Variants in RIMBP2 observed in about 807,000 individuals in gnomAD.
RIMBP2 encodes the protein RIMS binding protein 2.
A neutral mutation model predicts 118.6 loss-of-function variants in RIMBP2; 48 were observed. The observed-to-expected ratio is 0.40, with a 90% CI of 0.32 to 0.51. The LOEUF (loss-of-function observed/expected upper bound fraction) is 0.51. Ranked by LOEUF, RIMBP2 falls within the 20% of genes least tolerant of loss-of-function variation. The pLI is 0.41. For missense variants in RIMBP2, 1,551 were observed against 1,768.3 expected (o/e 0.88, Z 2.20); for synonymous variants, 762 against 742.9 (o/e 1.03, Z -0.42).
At chr12:130,711,749 C>A (rs1949930223) in intron 1 of RIMBP2, among the ~76,000 whole-genome samples, 1 of 152,236 alleles carries the variant, frequency 6.6e-6, no homozygotes, top group Admixed American at 6.5e-5. Flanking sequence ...GTGTGACTGG[C>A]TTGTTCAAAG....
intron 7 of RIMBP2, among the ~76,000 whole-genome samples, chr12:130,456,121 G>A (rs376661305): frequency 2.0e-3 from 304 of 152,342 alleles, no homozygotes; most frequent in African/African-American, 6.9e-3. Flanking sequence ...GGAGTACCCA[G>A]CCAAGAAATC....
chr12:130,456,780 T>C (rs2079484443), intron 6 of RIMBP2, 80 bp from the exon 7 acceptor site: 1 of 1,104,692 alleles, frequency 9.1e-7, no homozygotes, highest in Non-Finnish European at 1.3e-6. Flanking sequence ...ACATGTGTTG[T>C]ACGTGTGCAC....
chr12:130,679,718 T>C (rs542429662), intron 1 of RIMBP2, among the ~76,000 whole-genome samples: 1 of 152,338 alleles, frequency 6.6e-6, no homozygotes, highest in South Asian at 2.1e-4. Context: ...CTCAAATCCA[T>C]GTTTTCTGAA....
intron 1 of RIMBP2, among the ~76,000 whole-genome samples, chr12:130,651,795 A>G (rs1302209657): frequency 6.6e-6 from 1 of 152,246 alleles, no homozygotes; most frequent in Non-Finnish European, 1.5e-5. Flanking sequence ...CTGCAGGATT[A>G]TGTACCAGCT....
At chr12:130,508,810 A>G in intron 3 of RIMBP2, among the ~76,000 whole-genome samples, 1 of 152,224 alleles carries the variant, frequency 6.6e-6, no homozygotes, top group African/African-American at 2.4e-5. Flanking sequence ...GTCGAGCAAG[A>G]TTTTTGTACT....
intron 1 of RIMBP2, chr12:130,658,514 G>A (rs946198204): frequency 6.6e-6 from 1 of 152,176 alleles, no homozygotes; most frequent in Non-Finnish European, 1.5e-5. Context: ...TTAAAAAAAG[G>A]AGACCAGGAG....
At chr12:130,572,157 C>T (rs530874276) in intron 2 of RIMBP2, among the ~76,000 whole-genome samples, 71 of 91,324 alleles carry the variant, frequency 7.8e-4, no homozygotes, top group African/African-American at 1.7e-3. Flanking sequence ...TGAGGAAGGC[C>T]GGGGATGAAG....
rs1161896652 is a variant in RIMBP2 at position 130,436,878 on chromosome 12, G to A, written c.2070C>T (p.Ala690=). Residue 690 remains alanine (A), a synonymous_variant, in exon 13 of 23, where the codon GCC becomes GCT. Coordinates refer to ENST00000690449, the MANE Select transcript of RIMBP2 (RefSeq NM_001393629.1). ...PVSTTVAKAM[A]REAAQRVAES... is the part of the protein sequence containing the mutation. ...CGGCCACCCTCTGCGCGGCCTCCCGGGCCATGGCCTTGGCGACGGTGGTGG... is the reference window on the plus strand; with the variant it reads ...CGGCCACCCTCTGCGCGGCCTCCCGAGCCATGGCCTTGGCGACGGTGGTGG... The A allele has an allele frequency of 2.6e-6, 4 of 1,565,470 alleles. No homozygotes were observed. The South Asian group carries it at 3.6e-5, about 14-fold the overall frequency.
chr12:130,634,934 G>A (rs1566410101), intron 1 of RIMBP2, among the ~76,000 whole-genome samples: 1 of 152,022 alleles, frequency 6.6e-6, no homozygotes, highest in Non-Finnish European at 1.5e-5. Flanking sequence ...TCTGTTTCCA[G>A]TAACAACAGA....
At chr12:130,513,750 C>T (rs1318018388) in intron 3 of RIMBP2, among the ~76,000 whole-genome samples, 1 of 152,186 alleles carries the variant, frequency 6.6e-6, no homozygotes, top group Admixed American at 6.5e-5. Context: ...CAATCATTTC[C>T]GCACAGGGAA....
At chr12:130,486,587 T>A (rs2082501957) in intron 4 of RIMBP2, among the ~76,000 whole-genome samples, 1 of 150,282 alleles carries the variant, frequency 6.7e-6, no homozygotes, top group African/African-American at 2.5e-5. Flanking sequence ...ACAAGTTCCC[T>A]CCCCAAGCTG....
Position 130,683,292 on chromosome 12 carries a change from G to A in RIMBP2, c.-352+32930C>T, listed in dbSNP as rs1464429579. Among the ~76,000 whole-genome samples, 7 of 152,316 alleles carry A rather than the reference G, an allele frequency of 4.6e-5. No homozygotes were observed. The highest frequency in any genetic ancestry group is 4.1e-4 in the South Asian group (2 of 4,826). On this transcript the variant is annotated intron_variant, in intron 1 of 22. Coordinates refer to ENST00000690449, the MANE Select transcript of RIMBP2 (RefSeq NM_001393629.1). The surrounding 1 kb of genome is among the most constrained non-coding windows in gnomAD (Gnocchi z 4.4). ...AAGCCCAAGGATGCCAAGGACAGCC[G>A]GGGAACGCAGGGAGCCAGGCTCCCC... is the stretch of plus-strand genomic sequence containing the variant.
At chr12:130,575,661 A>G (rs1329475840) in intron 2 of RIMBP2, among the ~76,000 whole-genome samples, 2 of 152,248 alleles carry the variant, frequency 1.3e-5, no homozygotes, top group East Asian at 3.9e-4. Flanking sequence ...TACCTAGCAC[A>G]TAGATGCAAC....
chr12:130,613,629 C>A (rs910035823), intron 2 of RIMBP2, among the ~76,000 whole-genome samples: 1 of 152,062 alleles, frequency 6.6e-6, no homozygotes, highest in Non-Finnish European at 1.5e-5. Context: ...TCCTGGCCAA[C>A]GTGGTGAAAC....
chr12:130,610,049 G>A (rs899105224), intron 2 of RIMBP2, among the ~76,000 whole-genome samples: 2 of 152,212 alleles, frequency 1.3e-5, no homozygotes, highest in African/African-American at 4.8e-5. Flanking sequence ...CCAGTTCTCT[G>A]GGCATCCCTC....
rs567729854 is a variant in RIMBP2, at chr12:130,703,882, C to A, written c.-352+12340G>T. On this transcript the variant is annotated intron_variant, in intron 1 of 22. Coordinates refer to ENST00000690449, the MANE Select transcript of RIMBP2 (RefSeq NM_001393629.1). This position sits in a 1 kb window ranked among gnomAD's most constrained non-coding sequence, Gnocchi z 5.7. The stretch of plus-strand genomic sequence containing the variant: ...ACCCTGAGCCTGAGCCTGAACGCAG[C>A]GCAGAGGTCTGGGGCCCGACCACCC... Among the ~76,000 whole-genome samples, 1 of 152,070 alleles carries A rather than the reference C, an allele frequency of 6.6e-6. No individual in the cohort carries two copies. The highest frequency in any genetic ancestry group is 6.6e-5 in the Admixed American group (1 of 15,260).
At chr12:130,626,400 G>A (rs375178902) in intron 2 of RIMBP2, among the ~76,000 whole-genome samples, 22 of 115,990 alleles carry the variant, frequency 1.9e-4, no homozygotes, top group South Asian at 5.6e-4. Context: ...CACGACTACC[G>A]CCAGCATCAC....
chr12:130,502,153 C>A (rs1261847447), intron 4 of RIMBP2, among the ~76,000 whole-genome samples: 2 of 152,268 alleles, frequency 1.3e-5, no homozygotes, highest in East Asian at 3.9e-4. Context: ...CCAACCAAGA[C>A]CCTCCAGTGG....
rs563585688 is a variant in RIMBP2, at chr12:130,621,620, C to T, written c.-217+6702G>A. On this transcript the variant is annotated intron_variant, in intron 2 of 22. Coordinates refer to ENST00000690449, the MANE Select transcript of RIMBP2 (RefSeq NM_001393629.1). This position sits in a 1 kb window ranked among gnomAD's most constrained non-coding sequence, Gnocchi z 6.6. ...AAGCCCCAAGGCCTCTCTGAGCCCACGGCTATATCAGCAGCCTCATTTATG... is the reference window on the plus strand; with the variant it reads ...AAGCCCCAAGGCCTCTCTGAGCCCATGGCTATATCAGCAGCCTCATTTATG... Among the ~76,000 whole-genome samples, 160 of 152,296 alleles carry T rather than the reference C, an allele frequency of 1.1e-3. No homozygotes were observed. The highest frequency in any genetic ancestry group is 2.0e-3 in the Non-Finnish European group (135 of 68,026).
Sources: gnomAD v4.1 joint callset for allele counts (sites outside exome capture counted in the v4.1 genomes callset) on GRCh38, gnomAD v4.1.1 for gene constraint, Gnocchi (gnomAD v3.1) non-coding constraint, MANE v1.5 for transcripts, NCBI Gene and HGNC (gene_info 2026-07-23, HGNC 2026-07-21) for gene names.